CSTPP1: variants seen among roughly 807,000 people sequenced by gnomAD.
CSTPP1 encodes centriolar satellite-associated tubulin polyglutamylase complex regulator 1.
the CSTPP1 span, among the ~76,000 whole-genome samples, chr11:47,033,329 G>A: frequency 6.6e-6 from 1 of 152,138 alleles, no homozygotes; most frequent in African/African-American, 2.4e-5. Context: ...AAGAGTTCAT[G>A]TCATAAAAGA....
chr11:47,068,979 A>G, the CSTPP1 span, among the ~76,000 whole-genome samples: 1 of 152,154 alleles, frequency 6.6e-6, no homozygotes, highest in Non-Finnish European at 1.5e-5. Flanking sequence ...AGTAGGAGAA[A>G]TTCCACAAAT....
At chr11:47,114,065 T>C in the CSTPP1 span, among the ~76,000 whole-genome samples, 1 of 152,254 alleles carries the variant, frequency 6.6e-6, no homozygotes, top group Admixed American at 6.5e-5. Flanking sequence ...TTTCTACATA[T>C]GGCTAGCCAG....
chr11:47,008,294 C>T, the CSTPP1 span, among the ~76,000 whole-genome samples: 1 of 151,970 alleles, frequency 6.6e-6, no homozygotes, highest in Non-Finnish European at 1.5e-5. Flanking sequence ...CAAGCCCTAA[C>T]AGTCATTTGA....
chr11:47,050,411 A>G, the CSTPP1 span, among the ~76,000 whole-genome samples: 10 of 152,232 alleles, frequency 6.6e-5, no homozygotes, highest in Non-Finnish European at 2.9e-5. Context: ...CTGACAGTCT[A>G]ATAGGAGAAA....
chr11:47,157,067 G>C, the CSTPP1 span: 1 of 1,614,034 alleles, frequency 6.2e-7, no homozygotes, highest in Non-Finnish European at 8.5e-7. Flanking sequence ...CCTGCTGTCA[G>C]GCAAGAACCC....
chr11:46,971,342 T>C, the CSTPP1 span, among the ~76,000 whole-genome samples: 1 of 152,224 alleles, frequency 6.6e-6, no homozygotes, highest in African/African-American at 2.4e-5. Flanking sequence ...CAGAACTTTA[T>C]ATTGGGACAT....
At chr11:47,162,520 T>C in the CSTPP1 span, among the ~76,000 whole-genome samples, 1 of 152,182 alleles carries the variant, frequency 6.6e-6, no homozygotes, top group Non-Finnish European at 1.5e-5. Flanking sequence ...GGGTTAATAC[T>C]GCACAGCCTT....
chr11:46,968,379 AATATTTAATATATTTAAATAAT>A, the CSTPP1 span, among the ~76,000 whole-genome samples: 1 of 146,852 alleles, frequency 6.8e-6, no homozygotes, highest in East Asian at 1.9e-4. Context: ...AATTATATAT[AATATTTAATATATTTAAATAAT>A]ATATTTAATA....
At chr11:47,029,950 AAAG>A in the CSTPP1 span, among the ~76,000 whole-genome samples, 4 of 151,240 alleles carry the variant, frequency 2.6e-5, no homozygotes, top group East Asian at 3.9e-4. Flanking sequence ...AAAAAAAAAA[AAAG>A]AAAGAAAGGA....
chr11:46,950,800 C>G, the CSTPP1 span, among the ~76,000 whole-genome samples: 2 of 151,898 alleles, frequency 1.3e-5, no homozygotes, highest in Non-Finnish European at 2.9e-5. Flanking sequence ...TTAGTAGAGA[C>G]AGGGTTTCAC....
chr11:47,062,557 A>T, the CSTPP1 span, among the ~76,000 whole-genome samples: 1 of 152,202 alleles, frequency 6.6e-6, no homozygotes, highest in African/African-American at 2.4e-5. Context: ...TCAAAGCTAT[A>T]CTATACTAAA....
the CSTPP1 span, chr11:47,164,236 G>A: frequency 3.7e-6 from 6 of 1,613,492 alleles, no homozygotes; most frequent in Non-Finnish European, 5.1e-6. Flanking sequence ...CATTACCGGT[G>A]GGAGCCCAGA....
the CSTPP1 span, among the ~76,000 whole-genome samples, chr11:47,009,860 C>T: frequency 2.0e-5 from 3 of 151,972 alleles, no homozygotes; most frequent in African/African-American, 7.3e-5. Context: ...AAGACAGTAC[C>T]TCATAAATGC....
the CSTPP1 span, among the ~76,000 whole-genome samples, chr11:47,032,872 C>G: frequency 6.6e-6 from 1 of 152,074 alleles, no homozygotes; most frequent in Non-Finnish European, 1.5e-5. Context: ...TTTGGACTCA[C>G]CAAGAACTTA....
the CSTPP1 span, among the ~76,000 whole-genome samples, chr11:46,950,176 CT>C: frequency 1.4e-3 from 188 of 136,252 alleles, no homozygotes; most frequent in Admixed American, 2.0e-3. Flanking sequence ...TTTTTCTTTT[CT>C]TTTTTTTTTT....
chr11:47,122,802 C>G, the CSTPP1 span, among the ~76,000 whole-genome samples: 1 of 152,102 alleles, frequency 6.6e-6, no homozygotes, highest in South Asian at 2.1e-4. Context: ...TGGTCTCGAA[C>G]TCCTGACCTC....
the CSTPP1 span, chr11:47,159,779 C>A: frequency 4.5e-6 from 2 of 445,080 alleles, no homozygotes; most frequent in African/African-American, 4.0e-5. Flanking sequence ...GCCGAGGCGG[C>A]GGATCACCTG....
the CSTPP1 span, among the ~76,000 whole-genome samples, chr11:47,080,871 T>C: frequency 6.6e-5 from 10 of 151,704 alleles, no homozygotes; most frequent in East Asian, 3.9e-4. Flanking sequence ...TGGCCAGGCA[T>C]AGTGGTGTGT....
At chr11:46,972,553 T>G in the CSTPP1 span, among the ~76,000 whole-genome samples, 1 of 152,292 alleles carries the variant, frequency 6.6e-6, no homozygotes, top group South Asian at 2.1e-4. Flanking sequence ...TGGAAGCAAT[T>G]GCAGAAGTTT....
Sources: gnomAD v4.1 joint callset for allele counts (sites outside exome capture counted in the v4.1 genomes callset) on GRCh38, gnomAD v4.1.1 for gene constraint, MANE v1.5 for transcripts, NCBI Gene and HGNC (gene_info 2026-07-23, HGNC 2026-07-21) for gene names.